Variants in ERMARD observed in about 807,000 individuals in gnomAD.
The protein encoded by ERMARD is ER membrane associated RNA degradation.
In ERMARD, 71 loss-of-function variants were observed where a neutral mutation model predicts 83.9. That is an observed-to-expected ratio of 0.85 (90% CI 0.70 to 1.03). The LOEUF is 1.03. Ranked by LOEUF, ERMARD falls within the 50% of genes least tolerant of loss-of-function variation. ERMARD has a pLI of 0.00. For missense variants in ERMARD, 838 were observed against 810.9 expected (o/e 1.03, Z -0.41); for synonymous variants, 284 against 298.6 (o/e 0.95, Z 0.50).
At chr6:169,763,706 G>C (rs552962645) in intron 9 of ERMARD, among the ~76,000 whole-genome samples, 1 of 152,268 alleles carries the variant, frequency 6.6e-6, no homozygotes, top group East Asian at 1.9e-4. Context: ...CCTCTCCCTG[G>C]GAGATCTCAT....
intron 9 of ERMARD, among the ~76,000 whole-genome samples, chr6:169,764,120 C>G (rs986257852): frequency 6.6e-6 from 1 of 152,190 alleles, no homozygotes; most frequent in African/African-American, 2.4e-5. Context: ...TGGTTTCCAC[C>G]CAGCTGACCT....
At chr6:169,780,913 A>G (rs1197100807) in intron 17 of ERMARD, among the ~76,000 whole-genome samples, 6 of 152,112 alleles carry the variant, frequency 3.9e-5, no homozygotes, top group Non-Finnish European at 1.5e-5. Flanking sequence ...CAGGGGGCCA[A>G]TTTTTCACGC....
chr6:169,756,457 T>G lies in ERMARD; in HGVS notation c.417+18T>G. On this transcript the variant is annotated intron_variant, in intron 4 of 17. Transcript: ENST00000366773. ...TGGGTGATGTAAGTGTGAGAACTCTTTCATTATTGGCCCATTAAATTATCT... is the reference window on the plus strand; with the variant it reads ...TGGGTGATGTAAGTGTGAGAACTCTGTCATTATTGGCCCATTAAATTATCT... 1 of 1,517,356 alleles carries G rather than the reference T, an allele frequency of 6.6e-7. No homozygotes were observed. The highest frequency in any genetic ancestry group is 9.1e-7 in the Non-Finnish European group (1 of 1,103,432). The allele number at this position is 1,517,356 out of a possible 1,614,324, so 94.0% of individuals were successfully genotyped here. A position where few individuals can be genotyped will look rare whatever the true frequency, so the allele number is the denominator to read the frequency against.
upstream of ERMARD, chr6:169,751,582 G>A (rs1790083336): frequency 6.2e-7 from 1 of 1,603,992 alleles, no homozygotes; most frequent in Admixed American, 1.7e-5. Context: ...TGCCCGCCAG[G>A]GCTCCAAAGC....
chr6:169,760,803 A>T (rs776693441), intron 8 of ERMARD, 47 bp downstream of exon 8: 4 of 1,322,594 alleles, frequency 3.0e-6, no homozygotes, highest in Non-Finnish European at 4.3e-6. Flanking sequence ...GTTGGAGGCC[A>T]TTCTTTCTTG....
intron 14 of ERMARD, 122 bp downstream of exon 14, chr6:169,775,468 G>C: frequency 9.3e-7 from 1 of 1,075,046 alleles, no homozygotes; most frequent in Admixed American, 2.1e-5. Context: ...TCTGGGCCTT[G>C]GTGGCTGATG....
Position 169,760,337 on chromosome 6 carries a change from A to G in ERMARD, c.743-305A>G, listed in dbSNP as rs3800549. Among the ~76,000 whole-genome samples the G allele has an allele frequency of 0.019, 2,895 of 152,292 alleles. 149 individuals are homozygous for G. The highest frequency in any genetic ancestry group is 0.097 in the East Asian group (503 of 5,182). ...TCATTATGCCAGAAATACTTGTAGT[A>G]ATATCAAGGGTCTTTTACACCTTCT... On this transcript the variant is annotated intron_variant, in intron 7 of 17. Transcript: ENST00000366773.
At chr6:169,774,414 T>C (rs908478784) in intron 13 of ERMARD, among the ~76,000 whole-genome samples, 2 of 152,102 alleles carry the variant, frequency 1.3e-5, no homozygotes, top group African/African-American at 4.8e-5. Flanking sequence ...AGCAAGCCCT[T>C]ACGAAGGTGG....
chr6:169,775,645 A>G (rs1585416051), intron 14 of ERMARD, among the ~76,000 whole-genome samples: 1 of 152,324 alleles, frequency 6.6e-6, no homozygotes, highest in Non-Finnish European at 1.5e-5. Context: ...AGCTCAGGAG[A>G]GAAGTAGGGA....
At chr6:169,771,065 T>C (rs1792847905) in intron 12 of ERMARD, 1 of 146,938 alleles carries the variant, frequency 6.8e-6, no homozygotes, top group Admixed American at 6.8e-5. Context: ...TTTTTTCTTT[T>C]TTCTTTTCTT....
intron 9 of ERMARD, 120 bp from the exon 10 acceptor site, chr6:169,766,513 GTTTGT>G: frequency 1.5e-6 from 1 of 649,644 alleles, no homozygotes; most frequent in Non-Finnish European, 2.6e-6. Flanking sequence ...CTAGATGAAT[GTTTGT>G]TTTAACAAAA....
At chr6:169,760,006 GCTTTGCGTAGAT>G (rs1439964647) in intron 7 of ERMARD, 32 bp downstream of exon 7, 1 of 1,613,056 alleles carries the variant, frequency 6.2e-7, no homozygotes, top group East Asian at 2.2e-5. Flanking sequence ...TTTCCTTATA[GCTTTGCGTAGAT>G]ATTTGCAAAG....
At chr6:169,776,320 G>A (rs768184029) in intron 15 of ERMARD, 135 bp from the exon 16 acceptor site, 7 of 1,552,134 alleles carry the variant, frequency 4.5e-6, no homozygotes, top group East Asian at 2.4e-5. Flanking sequence ...CGCGTGTCAC[G>A]GTTGTCCCTG....
chr6:169,775,915 T>C (rs751852018), intron 14 of ERMARD, 25 bp from the exon 15 acceptor site: 18 of 1,613,154 alleles, frequency 1.1e-5, no homozygotes, highest in Non-Finnish European at 1.4e-5. Flanking sequence ...TTGTCACGTA[T>C]CTTTAAATAT....
rs574585399 is a variant in ERMARD, at chr6:169,763,742, C to T, written c.960+1211C>T. Among the ~76,000 whole-genome samples, 92 of 152,374 alleles carry T rather than the reference C, an allele frequency of 6.0e-4. 1 individual carries two copies. Among genetic ancestry groups the T allele is most frequent in the Admixed American group, 2.1e-3 (32 of 15,314 alleles). The stretch of plus-strand genomic sequence containing the variant: ...ACAATTCTCTGCCTTACATTTTCAT[C>T]TCTGGGGGAACAACAATTAGAAAAT... On this transcript the variant is annotated intron_variant, in intron 9 of 17. Coordinates refer to ENST00000366773, the MANE Select transcript of ERMARD (RefSeq NM_018341.3).
chr6:169,773,057 T>C (rs965081576), intron 12 of ERMARD: 1 of 383,448 alleles, frequency 2.6e-6, no homozygotes, highest in Non-Finnish European at 4.6e-6. Flanking sequence ...TTTTTCTTAT[T>C]CATCTCCAGT....
intron 16 of ERMARD, 106 bp downstream of exon 16, chr6:169,776,779 A>C: frequency 7.7e-7 from 1 of 1,303,640 alleles, no homozygotes; most frequent in Non-Finnish European, 1.1e-6. Flanking sequence ...CCCTCACTGA[A>C]CCCCATCGAC....
chr6:169,755,511 T>C (rs1790691865), intron 3 of ERMARD, 89 bp downstream of exon 3: 36 of 1,515,792 alleles, frequency 2.4e-5, no homozygotes, highest in Non-Finnish European at 3.0e-5. Flanking sequence ...AGGGGCCTCC[T>C]TCATCCCCAG....
At chr6:169,775,097 C>T (rs1428727537) in intron 13 of ERMARD, among the ~76,000 whole-genome samples, 173 bp from the exon 14 acceptor site, 1 of 152,220 alleles carries the variant, frequency 6.6e-6, no homozygotes, top group African/African-American at 2.4e-5. Context: ...GTTTCCGCAG[C>T]CTTCCCCCAT....
Sources: gnomAD v4.1 joint callset for allele counts (sites outside exome capture counted in the v4.1 genomes callset) on GRCh38, gnomAD v4.1.1 for gene constraint, MANE v1.5 for transcripts, NCBI Gene and HGNC (gene_info 2026-07-23, HGNC 2026-07-21) for gene names.